TEX11: variants seen among roughly 807,000 people sequenced by gnomAD.
TEX11 encodes testis-expressed protein 11.
In TEX11, 7 loss-of-function variants were observed where a neutral mutation model predicts 84.4. The observed-to-expected ratio is 0.08, with a 90% CI of 0.05 to 0.16. The LOEUF (loss-of-function observed/expected upper bound fraction) is 0.16, where lower values mean the gene tolerates loss of function less well. Among genes scored for constraint, TEX11 ranks in the 10% least tolerant of loss-of-function variants. TEX11 has a pLI of 1.00. For synonymous variants in TEX11, 264 were observed against 222.8 expected (o/e 1.18, Z -1.64); for missense variants, 551 against 660.5 (o/e 0.83, Z 1.82).
chrX:70,841,393 T>C (rs1161110834), intron 7 of TEX11, among the ~76,000 whole-genome samples: 4 of 110,765 alleles, frequency 3.6e-5, no homozygotes, highest in South Asian at 3.9e-4. Context: ...CGGTACATAA[T>C]GAAATGAAGG....
At chrX:70,855,677 G>A (rs940087433) in intron 5 of TEX11, among the ~76,000 whole-genome samples, 1 of 111,558 alleles carries the variant, frequency 9.0e-6, no homozygotes, top group Non-Finnish European at 1.9e-5. Flanking sequence ...TTTGCAGATA[G>A]GGGCTTTAAG....
At chrX:70,834,559 C>CA (rs1207658078) in intron 7 of TEX11, among the ~76,000 whole-genome samples, 23 of 111,015 alleles carry the variant, frequency 2.1e-4, no homozygotes, top group Non-Finnish European at 3.8e-5. Flanking sequence ...AGTCTGAGAC[C>CA]AGCTTGACCA....
At chrX:70,807,477 A>G (rs745608135) in intron 8 of TEX11, among the ~76,000 whole-genome samples, 25 of 112,043 alleles carry the variant, frequency 2.2e-4, no homozygotes, top group Non-Finnish European at 4.5e-4. Context: ...CATGTTTTAC[A>G]TAATTTTCAT....
At chrX:70,904,748 CT>C (rs1388740400) in intron 2 of TEX11, among the ~76,000 whole-genome samples, 4 of 111,626 alleles carry the variant, frequency 3.6e-5, no homozygotes, top group African/African-American at 1.3e-4. Context: ...ATGAGATGTG[CT>C]TTAAGTATAA....
chrX:70,787,581 G>A (rs1011421471), intron 9 of TEX11, among the ~76,000 whole-genome samples: 8 of 108,914 alleles, frequency 7.3e-5, no homozygotes, highest in Admixed American at 5.9e-4. Context: ...CGCCCACCTC[G>A]GCCTTCCAAA....
chrX:70,646,051 T>G (rs1194185371), intron 17 of TEX11, among the ~76,000 whole-genome samples: 1 of 111,517 alleles, frequency 9.0e-6, no homozygotes, highest in African/African-American at 3.3e-5. Flanking sequence ...CAAAACAGCA[T>G]GGTATTGGCA....
intron 13 of TEX11, among the ~76,000 whole-genome samples, chrX:70,714,502 A>G (rs1170674983): frequency 9.0e-6 from 1 of 111,584 alleles, no homozygotes; most frequent in African/African-American, 3.3e-5. Context: ...TATATTTAGG[A>G]TAGTTAGCTC....
At chrX:70,755,015 A>G (rs959577196) in intron 9 of TEX11, among the ~76,000 whole-genome samples, 5 of 112,082 alleles carry the variant, frequency 4.5e-5, no homozygotes, top group African/African-American at 1.6e-4. Context: ...GTGGATACAA[A>G]CAAGCCAAGA....
intron 1 of TEX11, among the ~76,000 whole-genome samples, chrX:70,908,376 G>T (rs182295976): frequency 9.0e-6 from 1 of 110,827 alleles, no homozygotes; most frequent in East Asian, 2.8e-4. Context: ...CGTAATTTAG[G>T]TCCTTTAGCA....
chrX:70,713,222 T>C (rs969333874), intron 13 of TEX11, among the ~76,000 whole-genome samples: 9 of 112,014 alleles, frequency 8.0e-5, no homozygotes, highest in African/African-American at 2.9e-4. Flanking sequence ...TTTGCATCGA[T>C]GTTCATCAGG....
At chrX:70,582,905 C>T (rs756026652) in intron 25 of TEX11, among the ~76,000 whole-genome samples, 10 of 108,638 alleles carry the variant, frequency 9.2e-5, no homozygotes, top group East Asian at 2.9e-4. Flanking sequence ...ACCACCACAC[C>T]GAGCTAATTT....
intron 4 of TEX11, among the ~76,000 whole-genome samples, chrX:70,863,717 C>T (rs1014508673): frequency 1.8e-5 from 2 of 111,163 alleles, no homozygotes; most frequent in African/African-American, 6.5e-5. Flanking sequence ...CAAAACTGCA[C>T]AGAGAATGAG....
chrX:70,600,469 G>A (rs933112518), intron 24 of TEX11, among the ~76,000 whole-genome samples: 9 of 110,889 alleles, frequency 8.1e-5, no homozygotes, highest in South Asian at 3.9e-4. Flanking sequence ...GAGACAGAAT[G>A]TCAATAAGGA....
chrX:70,698,593 T>C (rs2090300762), intron 13 of TEX11, among the ~76,000 whole-genome samples: 1 of 108,751 alleles, frequency 9.2e-6, no homozygotes, highest in African/African-American at 3.3e-5. Context: ...CAGGAAAAAT[T>C]TGTGATGATC....
chrX:70,558,860 T>C (rs2088324264), intron 25 of TEX11, among the ~76,000 whole-genome samples: 1 of 111,561 alleles, frequency 9.0e-6, no homozygotes, highest in African/African-American at 3.3e-5. Flanking sequence ...ATCAAAACCA[T>C]AATAAGATAT....
chrX:70,790,681 T>C (rs765776417), intron 9 of TEX11, among the ~76,000 whole-genome samples: 7 of 111,859 alleles, frequency 6.3e-5, no homozygotes, highest in African/African-American at 2.3e-4. Flanking sequence ...TGCATGCCCC[T>C]CTGTCGGCAA....
chrX:70,807,615 TAA>T (rs1402526564), intron 8 of TEX11, among the ~76,000 whole-genome samples: 1 of 111,594 alleles, frequency 9.0e-6, no homozygotes. Context: ...AAGTCTTTTA[TAA>T]GTTTTACCCG....
chrX:70,791,074 T>G (rs1276046852), intron 9 of TEX11, among the ~76,000 whole-genome samples: 1 of 111,769 alleles, frequency 8.9e-6, no homozygotes, highest in East Asian at 2.8e-4. Context: ...TCATGTCCTT[T>G]GTAGGGACAT....
At chrX:70,837,413 T>A (rs922019631) in intron 7 of TEX11, among the ~76,000 whole-genome samples, 2 of 110,099 alleles carry the variant, frequency 1.8e-5, no homozygotes, top group Admixed American at 9.8e-5. Context: ...TACAAAAAAA[T>A]TAGCCAGGCA....
Sources: gnomAD v4.1 joint callset for allele counts (sites outside exome capture counted in the v4.1 genomes callset) on GRCh38, gnomAD v4.1.1 for gene constraint, MANE v1.5 for transcripts, NCBI Gene and HGNC (gene_info 2026-07-23, HGNC 2026-07-21) for gene names.